Variants in CCNY observed in about 807,000 individuals in gnomAD.
CCNY encodes the protein cyclin-Y.
CCNY carries 19 observed loss-of-function variants against 42.8 expected under a neutral mutation model. That is an observed-to-expected ratio of 0.44 (90% CI 0.31 to 0.65). The LOEUF is 0.65. Ranked by LOEUF, CCNY falls within the 30% of genes least tolerant of loss-of-function variation. CCNY has a pLI of 0.07. For missense variants in CCNY, 370 were observed against 437.3 expected (o/e 0.85, Z 1.37); for synonymous variants, 165 against 162.7 (o/e 1.01, Z -0.11).
rs576767710 is a variant in CCNY at position 35,569,536 on chromosome 10, G to T, written c.*366G>T. The T allele has an allele frequency of 3.6e-6, 1 of 280,596 alleles. No homozygotes were observed. Among genetic ancestry groups the T allele is most frequent in the Non-Finnish European group, 7.0e-6 (1 of 143,800 alleles). The allele number at this position is 280,596 out of a possible 1,614,324, so 17.4% of individuals were successfully genotyped here. The stretch of plus-strand genomic sequence containing the variant: ...GCTGAAGTTGGCGAGCGCAGCGGTG[G>T]ATGCAGAGCTGGCTGCACCCAGGGC... On this transcript the variant is annotated 3_prime_UTR_variant, in exon 10 of 10. Transcript: ENST00000374704.
intron 1 of CCNY, among the ~76,000 whole-genome samples, chr10:35,469,267 T>C (rs1230657173): frequency 6.6e-6 from 1 of 152,262 alleles, no homozygotes; most frequent in Non-Finnish European, 1.5e-5. Context: ...GGCTGTATTA[T>C]ATTTTAACTC....
At chr10:35,345,338 G>A (rs1194800297) in intron 1 of CCNY, among the ~76,000 whole-genome samples, 1 of 151,964 alleles carries the variant, frequency 6.6e-6, no homozygotes, top group East Asian at 1.9e-4. Flanking sequence ...GTGTGGTGGC[G>A]GGTGCCTGTG....
intron 3 of CCNY, among the ~76,000 whole-genome samples, chr10:35,311,582 T>C (rs1372898449): frequency 1.3e-5 from 2 of 151,358 alleles, no homozygotes; most frequent in African/African-American, 4.9e-5. Flanking sequence ...GAGGCTGAGG[T>C]GGGAGGATCA....
At chr10:35,498,078 C>G (rs920483339) in intron 2 of CCNY, among the ~76,000 whole-genome samples, 1 of 152,114 alleles carries the variant, frequency 6.6e-6, no homozygotes, top group Non-Finnish European at 1.5e-5. Context: ...GTGCACAGGG[C>G]GAGTCCTCTC....
At position 35,421,112 on chromosome 10, in the gene CCNY, G is replaced by A. The variant is rs1345098899; in HGVS notation, c.155-62292G>A. Among the ~76,000 whole-genome samples the A allele has an allele frequency of 3.3e-5, 5 of 151,730 alleles. No homozygotes were observed. In the South Asian group the frequency reaches 6.2e-4, roughly 19 times the overall value. On this transcript the variant is annotated intron_variant, in intron 1 of 9. Coordinates refer to ENST00000374704, the MANE Select transcript of CCNY (RefSeq NM_145012.6). ...TGGGGTGGGATTTTGGGTGTAGGAC[G>A]AGGTTCAAAGGACCTGGCTGAGGAC...
intron 7 of CCNY, among the ~76,000 whole-genome samples, chr10:35,535,392 G>T (rs757264161): frequency 3.2e-4 from 48 of 152,036 alleles, no homozygotes; most frequent in Non-Finnish European, 5.4e-4. Context: ...TTGTGAGTTT[G>T]CCCACATCCT....
At chr10:35,434,572 T>C (rs1366344643) in intron 1 of CCNY, among the ~76,000 whole-genome samples, 4 of 152,246 alleles carry the variant, frequency 2.6e-5, no homozygotes, top group Middle Eastern at 3.2e-3. Flanking sequence ...TTTTTCTTGG[T>C]GTAAATTTTG....
intron 1 of CCNY, among the ~76,000 whole-genome samples, chr10:35,407,528 G>A (rs753871118): frequency 3.0e-4 from 46 of 152,130 alleles, no homozygotes; most frequent in Non-Finnish European, 4.6e-4. Context: ...CCCATTTTAC[G>A]ACAAGAATTA....
intron 2 of CCNY, among the ~76,000 whole-genome samples, chr10:35,495,179 G>T (rs116213355): frequency 0.018 from 2,788 of 152,318 alleles, 71 homozygotes; most frequent in East Asian, 0.056. Context: ...ATGTATCTCT[G>T]TGTTTTCCAA....
intron 1 of CCNY, among the ~76,000 whole-genome samples, chr10:35,358,392 A>G (rs1836608442): frequency 6.6e-6 from 1 of 152,190 alleles, no homozygotes. Flanking sequence ...AGAATCACAC[A>G]AGAGAGTAGA....
intron 8 of CCNY, among the ~76,000 whole-genome samples, chr10:35,561,209 CTT>C (rs1841459579): frequency 6.6e-6 from 1 of 152,156 alleles, no homozygotes; most frequent in Non-Finnish European, 1.5e-5. Context: ...CTAGAATCCT[CTT>C]TTTCATCCCC....
At chr10:35,548,255 A>AAT (rs1311551644) in intron 7 of CCNY, among the ~76,000 whole-genome samples, 3 of 147,700 alleles carry the variant, frequency 2.0e-5, no homozygotes, top group Non-Finnish European at 3.0e-5. Context: ...AATAAGGACA[A>AAT]ATATATATAT....
chr10:35,540,265 G>T (rs1181869901), intron 7 of CCNY, among the ~76,000 whole-genome samples: 1 of 152,150 alleles, frequency 6.6e-6, no homozygotes, highest in Non-Finnish European at 1.5e-5. Context: ...CTTAATTTGT[G>T]TAGTGTTTTT....
At chr10:35,516,454 G>A (rs1267066618) in intron 3 of CCNY, 69 bp from the exon 4 acceptor site, 3 of 1,004,106 alleles carry the variant, frequency 3.0e-6, no homozygotes, top group Non-Finnish European at 1.6e-6. Context: ...AGTTAAGCGG[G>A]GGTGATGTTT....
intron 2 of CCNY, among the ~76,000 whole-genome samples, chr10:35,488,505 G>A (rs1198237672): frequency 2.0e-5 from 3 of 152,098 alleles, no homozygotes; most frequent in Non-Finnish European, 4.4e-5. Flanking sequence ...CAGGTGCTGG[G>A]GTGCCCCTTT....
chr10:35,380,748 G>A (rs764561067), intron 1 of CCNY, among the ~76,000 whole-genome samples: 5 of 152,162 alleles, frequency 3.3e-5, no homozygotes, highest in Non-Finnish European at 5.9e-5. Flanking sequence ...CTCCCAGTCC[G>A]CAGCCAGCCG....
chr10:35,361,504 TTTGCCTGTGGGGGGCA>T (rs1836685873), intron 1 of CCNY, among the ~76,000 whole-genome samples: 1 of 152,214 alleles, frequency 6.6e-6, no homozygotes, highest in Non-Finnish European at 1.5e-5. Context: ...TAATATTTTG[TTTGCCTGTGGGGGGCA>T]TTTCCTTATT....
intron 3 of CCNY, among the ~76,000 whole-genome samples, chr10:35,514,624 T>C (rs1331218127): frequency 6.6e-6 from 1 of 152,242 alleles, no homozygotes; most frequent in Non-Finnish European, 1.5e-5. Flanking sequence ...TTGTGGCTTA[T>C]ATTTTCTTAG....
intron 3 of CCNY, among the ~76,000 whole-genome samples, chr10:35,280,432 GAGGAAGGAAAGAAGGA>G (rs1258536574): frequency 2.0e-5 from 3 of 148,548 alleles, no homozygotes; most frequent in Non-Finnish European, 4.5e-5. Flanking sequence ...GAGGAAAGGG[GAGGAAGGAAAGAAGGA>G]AGGAAGGAAA....
Sources: allele counts gnomAD v4.1 joint callset (sites outside exome capture counted in the v4.1 genomes callset), GRCh38; gene constraint gnomAD v4.1.1; transcripts MANE v1.5; gene names NCBI Gene and HGNC (gene_info 2026-07-23, HGNC 2026-07-21).